The following TACC3 variants were observed in gnomAD, a reference collection of about 807,000 sequenced individuals.
TACC3 encodes the protein transforming acidic coiled-coil containing protein 3.
A neutral mutation model predicts 86.0 loss-of-function variants in TACC3; 52 were observed. The observed-to-expected ratio is 0.60, with a 90% confidence interval of 0.48 to 0.76. TACC3 has a LOEUF of 0.76. Among genes scored for constraint, TACC3 ranks in the 30% least tolerant of loss-of-function variants. TACC3 has a pLI of 0.00. For synonymous variants in TACC3, 512 were observed against 430.0 expected (o/e 1.19, Z -2.36); for missense variants, 1,120 against 1,070.4 (o/e 1.05, Z -0.65).
At position 1,745,021 on chromosome 4, in the gene TACC3, G is replaced by T. The variant is rs1359678620; in HGVS notation, c.*8G>T. ...AAGATGGAGAAGATCTGACCTCCAC[G>T]GAGCCGCTGTCCCCGCCCCCCTGCT... On this transcript the variant is annotated 3_prime_UTR_variant, in exon 16 of 16. Coordinates refer to ENST00000313288, the MANE Select transcript of TACC3 (RefSeq NM_006342.3). 1.2e-6 allele frequency: 2 copies of T among 1,601,526 alleles called. No homozygotes were observed. The highest frequency in any genetic ancestry group is 4.5e-5 in the East Asian group (2 of 44,528).
chr4:1,724,171 G>A (rs993817944), intron 3 of TACC3, among the ~76,000 whole-genome samples: 2 of 151,380 alleles, frequency 1.3e-5, no homozygotes, highest in Non-Finnish European at 2.9e-5. Flanking sequence ...GGGTTTCACC[G>A]TGTTAGCCAG....
chr4:1,730,036 T>TTGTTTGTTA (rs1258077512), intron 4 of TACC3, among the ~76,000 whole-genome samples: 1 of 151,994 alleles, frequency 6.6e-6, no homozygotes, highest in Non-Finnish European at 1.5e-5. Flanking sequence ...CTAGGGTTAT[T>TTGTTTGTTA]TGTTTGTTTG....
intron 6 of TACC3, among the ~76,000 whole-genome samples, chr4:1,733,234 G>A (rs964475352): frequency 2.6e-5 from 4 of 152,278 alleles, no homozygotes; most frequent in Admixed American, 2.0e-4. Context: ...AGTGTCTGTC[G>A]AGATCCCTTG....
At chr4:1,725,594 C>T (rs1717645009) in intron 3 of TACC3, among the ~76,000 whole-genome samples, 1 of 152,234 alleles carries the variant, frequency 6.6e-6, no homozygotes, top group African/African-American at 2.4e-5. Context: ...CACAGATCCC[C>T]TGCCTCTCCC....
rs1327147050 is a variant in TACC3, at chr4:1,744,713, G to C, written c.2332G>C (p.Ala778Pro). ...KAHAEEKLQL[A>P]NEEIAQVRSK... Reference sequence around the variant, plus strand: ...TCTGCCCCGCCCCTACCCCTCCAGGGCAAACGAGGAGATCGCCCAGGTCCG... The same window carrying C: ...TCTGCCCCGCCCCTACCCCTCCAGGCCAAACGAGGAGATCGCCCAGGTCCG... The change falls in exon 15 of 16, where the codon GCA becomes CCA. Residue 778 changes from alanine (A) to proline (P), a missense_variant and splice_region_variant. Transcript: ENST00000313288. The C allele has an allele frequency of 1.2e-6, 2 of 1,612,276 alleles. No individual in the cohort carries two copies. The highest frequency in any genetic ancestry group is 1.7e-6 in the Non-Finnish European group (2 of 1,179,864).
Position 1,740,973 on chromosome 4 carries a change from A to G in TACC3, c.2210A>G (p.Glu737Gly). The G allele has an allele frequency of 6.2e-7, 1 of 1,607,684 alleles. No individual in the cohort carries two copies. The highest frequency in any genetic ancestry group is 1.1e-5 in the South Asian group (1 of 89,832). The change falls in exon 13 of 16, where the codon GAG (glutamate) becomes GGG (glycine). Residue 737 changes from glutamate to glycine, a missense_variant. By Grantham distance (98) the Glu-to-Gly change is moderately conservative. Transcript: ENST00000313288. Reference sequence around the variant, plus strand: ...TTTGAGAAACAGAAAGAGGTGATCGAGGGCTACCGCAAGGTATGTCTCCGC... The same window carrying G: ...TTTGAGAAACAGAAAGAGGTGATCGGGGGCTACCGCAAGGTATGTCTCCGC... Reference protein sequence around the residue: ...KRFEKQKEVIEGYRKNEESLK... With the variant: ...KRFEKQKEVIGGYRKNEESLK...
At chr4:1,739,293 G>A (rs1718443770) in intron 10 of TACC3, 1 of 153,116 alleles carries the variant, frequency 6.5e-6, no homozygotes, top group Admixed American at 7.0e-5. Context: ...GGGCGACAGA[G>A]TGAGACTCTT....
At chr4:1,730,863 C>A (rs1422463651) in intron 4 of TACC3, 24 bp from the exon 5 acceptor site, 1 of 1,610,926 alleles carries the variant, frequency 6.2e-7, no homozygotes. Flanking sequence ...GGGGCATGGG[C>A]CTCTGCTGAC....
intron 6 of TACC3, among the ~76,000 whole-genome samples, chr4:1,731,726 C>G (rs774369837): frequency 1.3e-5 from 2 of 152,188 alleles, no homozygotes; most frequent in African/African-American, 2.4e-5. Flanking sequence ...ACCTCCACTT[C>G]CCAGGTTCAA....
At chr4:1,740,652 T>C (rs1718546633) in intron 12 of TACC3, 174 bp from the exon 13 acceptor site, 2 of 603,502 alleles carry the variant, frequency 3.3e-6, no homozygotes, top group Admixed American at 3.0e-5. Flanking sequence ...TCCTGGGCTT[T>C]GCATCCGGCC....
chr4:1,724,826 A>G (rs941108390), intron 3 of TACC3, among the ~76,000 whole-genome samples: 1 of 151,818 alleles, frequency 6.6e-6, no homozygotes, highest in Non-Finnish European at 1.5e-5. Flanking sequence ...CCGTGGTGCC[A>G]TCACAGCTCA....
At position 1,723,456 on chromosome 4, in the gene TACC3, G is replaced by A. The variant is rs767349619; in HGVS notation, c.35G>A (p.Ser12Asn). The change falls in exon 2 of 16, where the codon AGC becomes AAC. Residue 12 changes from serine to asparagine, a missense_variant. Transcript: ENST00000313288. Reference protein sequence around the residue: ...SLQVLNDKNVSNEKNTENCDF... With the variant: ...SLQVLNDKNVNNEKNTENCDF... The stretch of plus-strand genomic sequence containing the variant: ...CAGGTCTTAAACGACAAAAATGTCA[G>A]CAATGAAAAAAATACAGAAAATTGC... 1 of 1,613,476 alleles carries A rather than the reference G, an allele frequency of 6.2e-7. No homozygotes were observed. The highest frequency in any genetic ancestry group is 1.3e-5 in the African/African-American group (1 of 75,046).
At chr4:1,739,300 T>A (rs531239097) in intron 10 of TACC3, 28 of 124,348 alleles carry the variant, frequency 2.3e-4, no homozygotes, top group Middle Eastern at 3.1e-3. Flanking sequence ...AGAGTGAGAC[T>A]CTTGTCTCAA....
chr4:1,727,974 TAGAC>T lies in TACC3; in HGVS notation c.576_579del (p.Asp192GlufsTer3). The T allele has an allele frequency of 1.9e-6, 3 of 1,613,308 alleles. No individual in the cohort carries two copies. Among genetic ancestry groups the T allele is most frequent in the Non-Finnish European group, 1.7e-6 (2 of 1,180,026 alleles). On this transcript the variant is annotated frameshift_variant, in exon 4 of 16. Coordinates refer to ENST00000313288, the MANE Select transcript of TACC3 (RefSeq NM_006342.3). LOFTEE classifies it high-confidence loss of function. ...GAGGAAAACCTTAGTTCCTATTCCT[TAGAC>T]AGAAGAGTGACACCCGCCTCTGAGA... is the stretch of plus-strand genomic sequence containing the variant.
At chr4:1,720,805 G>T, upstream of TACC3, 1 of 1,594,928 alleles carries the variant, frequency 6.3e-7, no homozygotes. The surrounding 1 kb of genome is among the most constrained non-coding windows in gnomAD (Gnocchi z 4.4). Context: ...ACACCAGATA[G>T]GCGAGAGTGA....
chr4:1,730,034 A>ATTTGTTTGTTTGTTTG (rs377531457), intron 4 of TACC3, among the ~76,000 whole-genome samples: 62 of 151,636 alleles, frequency 4.1e-4, no homozygotes, highest in African/African-American at 1.4e-3. Flanking sequence ...TCCTAGGGTT[A>ATTTGTTTGTTTGTTTG]TTTGTTTGTT....
intron 3 of TACC3, among the ~76,000 whole-genome samples, chr4:1,724,718 G>T (rs1717600403): frequency 6.6e-6 from 1 of 151,672 alleles, no homozygotes; most frequent in Non-Finnish European, 1.5e-5. Context: ...GGTGGGAAGG[G>T]ACCCCAGAGG....
In TACC3 at chr4:1,737,539, A is replaced by G. The variant is rs138546355; in HGVS notation, c.1837-59A>G. 9.2e-4 allele frequency: 1,223 copies of G among 1,334,850 alleles called. 9 individuals are homozygous for G. The African/African-American group carries it at 0.016, about 18-fold the overall frequency. The allele number at this position is 1,334,850 out of a possible 1,614,324, so 82.7% of individuals were successfully genotyped here. On this transcript the variant is annotated intron_variant, in intron 9 of 15. Coordinates refer to ENST00000313288, the MANE Select transcript of TACC3 (RefSeq NM_006342.3). The stretch of plus-strand genomic sequence containing the variant: ...GTGTGGGCCTTTCCTCCCTCACACT[A>G]GGTCAGAGGTAAGAGGCAAGGGCGA...
intron 12 of TACC3, chr4:1,740,591 C>T (rs1484115451): frequency 6.5e-6 from 3 of 460,558 alleles, no homozygotes; most frequent in Non-Finnish European, 1.2e-5. Context: ...TCAGGGACCT[C>T]TGGCCCAGGC....
Sources: allele counts gnomAD v4.1 joint callset (sites outside exome capture counted in the v4.1 genomes callset), GRCh38; gene constraint gnomAD v4.1.1; non-coding constraint Gnocchi (gnomAD v3.1); transcripts MANE v1.5; gene names NCBI Gene and HGNC (gene_info 2026-07-23, HGNC 2026-07-21).